Variants in TWF1 observed in about 807,000 individuals in gnomAD.
TWF1 encodes twinfilin actin binding protein 1.
Under a neutral mutation model 47.9 loss-of-function variants are expected in TWF1, and 14 were observed. The observed-to-expected ratio is 0.29, with a 90% CI of 0.19 to 0.46. TWF1 has a LOEUF of 0.46. Ranked by LOEUF, TWF1 falls within the 20% of genes least tolerant of loss-of-function variation. TWF1 has a pLI of 1.00. For synonymous variants in TWF1, 96 were observed against 139.2 expected (o/e 0.69, Z 2.18); for missense variants, 281 against 409.3 (o/e 0.69, Z 2.70).
intron 2 of TWF1, 42 bp from the exon 3 acceptor site, chr12:43,802,506 G>C (rs755898467): frequency 7.1e-7 from 1 of 1,416,468 alleles, no homozygotes; most frequent in South Asian, 1.2e-5. Flanking sequence ...AATGGTTTGA[G>C]ATATCAAGTG....
Position 43,794,296 on chromosome 12 carries a change from A to G in TWF1, c.*1289T>C, listed in dbSNP as rs1942512640. The G allele has an allele frequency of 6.5e-6, 1 of 152,678 alleles. No homozygotes were observed. The allele number at this position is 152,678 out of a possible 1,614,324, so 9.5% of individuals were successfully genotyped here. A position where few individuals can be genotyped will look rare whatever the true frequency, so the allele number is the denominator to read the frequency against. Reference sequence around the variant, plus strand: ...CCCCAAATACTCTAAATTCTATTTTAAAAATCTGTCAACCCACAATTATTC... The same window carrying G: ...CCCCAAATACTCTAAATTCTATTTTGAAAATCTGTCAACCCACAATTATTC... On this transcript the variant is annotated 3_prime_UTR_variant, in exon 9 of 9. Transcript: ENST00000395510.
intron 1 of TWF1, 53 bp from the exon 2 acceptor site, chr12:43,804,625 T>C (rs1239724276): frequency 7.9e-7 from 1 of 1,260,042 alleles, no homozygotes; most frequent in African/African-American, 1.5e-5. Context: ...ATAAATACTT[T>C]CCTATCTATA....
intron 1 of TWF1, 121 bp downstream of exon 1, chr12:43,806,100 C>T (rs1425003982): frequency 2.0e-6 from 3 of 1,521,798 alleles, no homozygotes; most frequent in East Asian, 5.0e-5. Context: ...CCCGGCTCGC[C>T]CCGCGAGACC....
At position 43,794,429 on chromosome 12, in the gene TWF1, T is replaced by C. The variant is rs1333209082; in HGVS notation, c.*1156A>G. 9 of 151,144 alleles carry C rather than the reference T, an allele frequency of 6.0e-5. No homozygotes were observed. The highest frequency in any genetic ancestry group is 1.2e-4 in the Non-Finnish European group (8 of 67,698). The allele number at this position is 151,144 out of a possible 1,614,324, so 9.4% of individuals were successfully genotyped here. ...CACACTATGAAATGTGCATTTCCGA[T>C]AAGTGATTTATGCAGCATAAAGTTT... On this transcript the variant is annotated 3_prime_UTR_variant, in exon 9 of 9. Transcript: ENST00000395510.
chr12:43,799,436 C>T lies in TWF1; in HGVS notation c.445G>A (p.Ala149Thr). ...ATCTGTCGTAGTTCTTCCTCAGCTG[C>T]AGTCAGTGGGGCAGGGGAAGATTGT... is the stretch of plus-strand genomic sequence containing the variant. ...LSQSSPAPLT[A>T]AEEELRQIKI... The change falls in exon 5 of 9, where the codon GCA becomes ACA. Residue 149 changes from alanine (A) to threonine (T), a missense_variant. Transcript: ENST00000395510. 6.2e-7 allele frequency: 1 copy of T among 1,610,158 alleles called. No homozygotes were observed. The highest frequency in any genetic ancestry group is 8.5e-7 in the Non-Finnish European group (1 of 1,178,334).
Position 43,797,441 on chromosome 12 carries a change from T to A in TWF1, c.621A>T (p.Ile207=), listed in dbSNP as rs1942574914. The A allele has an allele frequency of 2.5e-6, 4 of 1,590,380 alleles. No individual in the cohort carries two copies. Among genetic ancestry groups the A allele is most frequent in the African/African-American group, 2.7e-5 (2 of 73,914 alleles). ...QLNYVQLEID[I]KNEIIILANT... is the part of the protein sequence containing the mutation. ...TGGCCAAAATTATAATTTCATTTTT[T>A]ATATCTATTTCCTGCCAATAAGAAA... The change falls in exon 7 of 9, where the codon ATA becomes ATT. Residue 207 remains isoleucine, a synonymous_variant. Coordinates refer to ENST00000395510, the MANE Select transcript of TWF1 (RefSeq NM_002822.5).
Position 43,795,729 on chromosome 12 carries a change from C to T in TWF1, c.909G>A (p.Leu303=). Residue 303 remains leucine (L), a synonymous_variant, in exon 9 of 9, where the codon TTG becomes TTA. Coordinates refer to ENST00000395510, the MANE Select transcript of TWF1 (RefSeq NM_002822.5). ...CTTCTTCATAAAGGAAGTCTGCAGT[C>T]AACTCATCCCCATTGTCTATCTCGA... is the stretch of plus-strand genomic sequence containing the variant. The part of the protein sequence containing the change: ...RKIEIDNGDE[L]TADFLYEEVH... 2.5e-6 allele frequency: 4 copies of T among 1,613,862 alleles called. No individual in the cohort carries two copies. The highest frequency in any genetic ancestry group is 3.4e-6 in the Non-Finnish European group (4 of 1,179,830).
intron 2 of TWF1, 88 bp downstream of exon 2, chr12:43,804,407 G>A: frequency 1.2e-6 from 1 of 852,342 alleles, no homozygotes; most frequent in Non-Finnish European, 1.9e-6. Flanking sequence ...TTAATTAATA[G>A]TTCAAATCAC....
intron 3 of TWF1, 101 bp from the exon 4 acceptor site, chr12:43,800,631 CA>C: frequency 1.2e-6 from 1 of 861,652 alleles, no homozygotes; most frequent in Non-Finnish European, 1.8e-6. Context: ...ACATTAAAAA[CA>C]AAACTGAGCT....
chr12:43,795,765 A>T lies in TWF1; in HGVS notation c.883-10T>A. 1.2e-6 allele frequency: 2 copies of T among 1,611,634 alleles called. No individual in the cohort carries two copies. Among genetic ancestry groups the T allele is most frequent in the Non-Finnish European group, 1.7e-6 (2 of 1,178,694 alleles). ...CATTGTCTATCTCGATCTGTAAAAG[A>T]TAAAATTAGAAGCACAACATTCAAA... On this transcript the variant is annotated splice_polypyrimidine_tract_variant and intron_variant, in intron 8 of 8. Transcript: ENST00000395510.
intron 1 of TWF1, 148 bp downstream of exon 1, chr12:43,806,073 G>T (rs1453515788): frequency 1.3e-6 from 2 of 1,517,016 alleles, no homozygotes; most frequent in Non-Finnish European, 1.8e-6. Context: ...AAGCAGGAGC[G>T]CGGAGAGGCG....
In TWF1 at chr12:43,805,767, A is replaced by G. The variant is rs545942969; in HGVS notation, c.25+454T>C. 3.0e-6 allele frequency: 4 copies of G among 1,344,196 alleles called. No individual in the cohort carries two copies. In the East Asian group the frequency reaches 1.8e-4, roughly 61 times the overall value. 83.3% of individuals were successfully genotyped at this position (1,344,196 alleles called of 1,614,324 possible). On this transcript the variant is annotated intron_variant, in intron 1 of 8. Coordinates refer to ENST00000395510, the MANE Select transcript of TWF1 (RefSeq NM_002822.5). ...CTACTGATGTGAGAAAGATTCTGGC[A>G]TGGTTCTTTTTGTAATCAAAGTCCT...
chr12:43,800,449 A>C lies in TWF1; in HGVS notation c.364T>G (p.Phe122Val), dbSNP rs1186049440. 1 of 1,612,782 alleles carries C rather than the reference A, an allele frequency of 6.2e-7. No homozygotes were observed. Residue 122 changes from phenylalanine to valine, a missense_variant, in exon 4 of 9, where the codon TTT (phenylalanine) becomes GTT (valine). Transcript: ENST00000395510. ...AAACATAATACCTTTACTGTTCCAA[A>C]TACTTCATCTTTAATGTGGCCACCT... ...FGGGHIKDEV[F>V]GTVKEDVSLH...
At chr12:43,802,017 G>C (rs922914068) in intron 3 of TWF1, among the ~76,000 whole-genome samples, 8 of 152,096 alleles carry the variant, frequency 5.3e-5, no homozygotes, top group African/African-American at 1.9e-4. Context: ...GTGACAGAGT[G>C]AGATTCTGCC....
intron 5 of TWF1, 26 bp from the exon 6 acceptor site, chr12:43,797,859 A>G (rs913239779): frequency 3.1e-6 from 5 of 1,604,722 alleles, no homozygotes; most frequent in Non-Finnish European, 4.3e-6. Context: ...TTAATTTACA[A>G]GTTTAGCAGT....
chr12:43,798,636 ATCACAT>A, intron 5 of TWF1: 4 of 1,428,956 alleles, frequency 2.8e-6, no homozygotes, highest in South Asian at 1.3e-5. Context: ...AAAAAAAAAA[ATCACAT>A]AAAAAGCCCT....
intron 1 of TWF1, chr12:43,805,940 G>A (rs1278134662): frequency 1.3e-6 from 2 of 1,530,040 alleles, no homozygotes; most frequent in Admixed American, 1.7e-5. Flanking sequence ...TGGAAGGCAC[G>A]CCCCCTTCAA....
At chr12:43,798,533 G>GA in intron 5 of TWF1, 1 of 1,488,592 alleles carries the variant, frequency 6.7e-7, no homozygotes, top group Non-Finnish European at 8.9e-7. Context: ...ATTGGTTAAT[G>GA]AAAACATCAT....
intron 2 of TWF1, among the ~76,000 whole-genome samples, chr12:43,802,680 A>C (rs567353439): frequency 1.1e-4 from 17 of 152,344 alleles, no homozygotes; most frequent in Non-Finnish European, 1.8e-4. Flanking sequence ...AATGTTTAAA[A>C]TATACACAGC....
Sources: gnomAD v4.1 joint callset for allele counts (sites outside exome capture counted in the v4.1 genomes callset) on GRCh38, gnomAD v4.1.1 for gene constraint, MANE v1.5 for transcripts, NCBI Gene and HGNC (gene_info 2026-07-23, HGNC 2026-07-21) for gene names.